The following WIPF2 variants were observed in gnomAD, a reference collection of about 807,000 sequenced individuals.
The protein encoded by WIPF2 is WAS/WASL-interacting protein family member 2.
WIPF2 carries 23 observed loss-of-function variants against 38.8 expected under a neutral mutation model. The observed-to-expected ratio is 0.59, with a 90% CI of 0.43 to 0.84. WIPF2 has a LOEUF of 0.84. WIPF2 is among the 40% of genes least tolerant of loss of function. The pLI is 0.00. For missense variants in WIPF2, 574 were observed against 580.5 expected (o/e 0.99, Z 0.11); for synonymous variants, 210 against 223.2 (o/e 0.94, Z 0.53).
At chr17:40,254,129 G>C (rs918818768) in intron 1 of WIPF2, among the ~76,000 whole-genome samples, 5 of 151,724 alleles carry the variant, frequency 3.3e-5, no homozygotes, top group African/African-American at 1.2e-4. Context: ...CAACTCGGCT[G>C]CCTGAGCCTT....
chr17:40,234,448 C>CA (rs1183203350), intron 1 of WIPF2, among the ~76,000 whole-genome samples: 113 of 149,470 alleles, frequency 7.6e-4, no homozygotes, highest in African/African-American at 2.6e-3. Context: ...AACAAACAAA[C>CA]AAACAAAAAA....
intron 5 of WIPF2, among the ~76,000 whole-genome samples, chr17:40,266,844 T>G (rs1260960875): frequency 6.6e-6 from 1 of 152,166 alleles, no homozygotes; most frequent in Non-Finnish European, 1.5e-5. Context: ...TAAAAAGGGT[T>G]GGCCTTAGAT....
At chr17:40,247,485 C>G (rs923787278) in intron 1 of WIPF2, among the ~76,000 whole-genome samples, 1 of 149,684 alleles carries the variant, frequency 6.7e-6, no homozygotes, top group Non-Finnish European at 1.5e-5. Context: ...TCCCAAAGTG[C>G]TGGGATTACG....
At chr17:40,226,116 C>A (rs2030470624) in intron 1 of WIPF2, among the ~76,000 whole-genome samples, 1 of 147,058 alleles carries the variant, frequency 6.8e-6, no homozygotes, top group South Asian at 2.1e-4. Flanking sequence ...ATCGAATAAT[C>A]TTTTTTTTTC....
At chr17:40,223,936 G>A (rs2030363738) in intron 1 of WIPF2, among the ~76,000 whole-genome samples, 1 of 151,898 alleles carries the variant, frequency 6.6e-6, no homozygotes, top group South Asian at 2.1e-4. Context: ...GATTGGGAGA[G>A]TAACCTGGTA....
intron 6 of WIPF2, among the ~76,000 whole-genome samples, chr17:40,274,751 T>A (rs1432440673): frequency 1.3e-5 from 2 of 150,946 alleles, no homozygotes; most frequent in African/African-American, 4.9e-5. Flanking sequence ...AAGACCAGCC[T>A]GGGCAACATG....
chr17:40,283,328 T>TC lies in WIPF2; in HGVS notation c.*5105dup. On this transcript the variant is annotated 3_prime_UTR_variant, in exon 8 of 8. Coordinates refer to ENST00000323571, the MANE Select transcript of WIPF2 (RefSeq NM_133264.5). ...GGTGTGATCATAGCTCACCGCAGCC[T>TC]CCAACTCTCAAGCTCAAGTGATCCT... 1 of 152,020 alleles carries TC rather than the reference T, an allele frequency of 6.6e-6. No individual in the cohort carries two copies. The highest frequency in any genetic ancestry group is 1.9e-4 in the East Asian group (1 of 5,168). The allele number at this position is 152,020 out of a possible 1,614,324, so 9.4% of individuals were successfully genotyped here. A position where few individuals can be genotyped will look rare whatever the true frequency, so the allele number is the denominator to read the frequency against.
At chr17:40,254,375 G>A (rs1598485273) in intron 1 of WIPF2, among the ~76,000 whole-genome samples, 1 of 152,176 alleles carries the variant, frequency 6.6e-6, no homozygotes, top group East Asian at 1.9e-4. Context: ...GATTGGTGAG[G>A]TTGGTTACCA....
intron 1 of WIPF2, chr17:40,220,587 A>ATATG (rs2030151815): frequency 1.5e-5 from 1 of 64,636 alleles, no homozygotes; most frequent in Non-Finnish European, 3.0e-5. Flanking sequence ...ATATATATAT[A>ATATG]TATATATATA....
In WIPF2 at chr17:40,262,653, G is replaced by A; in HGVS notation, c.313+12G>A. 1 of 1,605,050 alleles carries A rather than the reference G, an allele frequency of 6.2e-7. No individual in the cohort carries two copies. The highest frequency in any genetic ancestry group is 8.5e-7 in the Non-Finnish European group (1 of 1,172,022). ...CAAGGATGGTTCAGGTATCTGATGA[G>A]TACTTTCCCAGGGTATTTCCCTGGT... is the stretch of plus-strand genomic sequence containing the variant. On this transcript the variant is annotated intron_variant, in intron 4 of 7. Coordinates refer to ENST00000323571, the MANE Select transcript of WIPF2 (RefSeq NM_133264.5).
Position 40,279,223 on chromosome 17 carries a change from C to G in WIPF2, c.*998C>G, listed in dbSNP as rs1480673100. The G allele has an allele frequency of 2.0e-5, 3 of 152,306 alleles. No individual in the cohort carries two copies. The highest frequency in any genetic ancestry group is 4.4e-5 in the Non-Finnish European group (3 of 68,082). 9.4% of individuals were successfully genotyped at this position (152,306 alleles called of 1,614,324 possible). On this transcript the variant is annotated 3_prime_UTR_variant, in exon 8 of 8. Transcript: ENST00000323571. Reference sequence around the variant, plus strand: ...AGTGGCTCTTTCTGTCCTTCAGCCCCTGGAAGGTGCTCCAGGATAACAAAG... The same window carrying G: ...AGTGGCTCTTTCTGTCCTTCAGCCCGTGGAAGGTGCTCCAGGATAACAAAG...
intron 1 of WIPF2, among the ~76,000 whole-genome samples, chr17:40,226,686 C>G (rs1161868725): frequency 6.6e-6 from 1 of 152,062 alleles, no homozygotes; most frequent in African/African-American, 2.4e-5. Flanking sequence ...CTTTCCTTGT[C>G]TTAGAAATAA....
intron 1 of WIPF2, among the ~76,000 whole-genome samples, chr17:40,251,240 C>T (rs907834023): frequency 6.6e-6 from 1 of 152,002 alleles, no homozygotes; most frequent in African/African-American, 2.4e-5. Flanking sequence ...TTGCAATAGA[C>T]AGTGCTTCCA....
chr17:40,226,314 C>G (rs2030485486), intron 1 of WIPF2, among the ~76,000 whole-genome samples: 1 of 151,832 alleles, frequency 6.6e-6, no homozygotes, highest in Non-Finnish European at 1.5e-5. Context: ...TGCGATTATC[C>G]TGCCTCAGCC....
At chr17:40,231,572 C>T (rs1046297958) in intron 1 of WIPF2, among the ~76,000 whole-genome samples, 9 of 151,796 alleles carry the variant, frequency 5.9e-5, no homozygotes, top group African/African-American at 1.9e-4. Flanking sequence ...TACAGGTGCC[C>T]GCCACCACGC....
Position 40,266,966 on chromosome 17 carries a change from G to A in WIPF2, c.970+1820G>A, listed in dbSNP as rs187508954. ...GCATGTGGAAAGTTTATTCTAATTT[G>A]CTTCTGTTTTCTCAGTGAAATGGAA... On this transcript the variant is annotated intron_variant, in intron 5 of 7. Coordinates refer to ENST00000323571, the MANE Select transcript of WIPF2 (RefSeq NM_133264.5). Among the ~76,000 whole-genome samples the A allele has an allele frequency of 2.0e-5, 3 of 152,256 alleles. No individual in the cohort carries two copies. The East Asian group carries it at 5.8e-4, about 29-fold the overall frequency.
At chr17:40,260,801 T>C (rs756026482) in intron 3 of WIPF2, 134 bp downstream of exon 3, 139 of 1,197,168 alleles carry the variant, frequency 1.2e-4, no homozygotes, top group Non-Finnish European at 1.6e-4. Context: ...TCTCTTCTTA[T>C]TCATTCTTCT....
intron 5 of WIPF2, among the ~76,000 whole-genome samples, chr17:40,270,975 A>G (rs1463259977): frequency 1.3e-5 from 2 of 152,078 alleles, no homozygotes; most frequent in Non-Finnish European, 2.9e-5. Flanking sequence ...AGGAGGAATA[A>G]TAAGATACTC....
chr17:40,229,394 G>C (rs1479136992), intron 1 of WIPF2, among the ~76,000 whole-genome samples: 2 of 150,172 alleles, frequency 1.3e-5, no homozygotes, highest in African/African-American at 4.9e-5. Context: ...GGTGTGAGCC[G>C]CCGCACCTGG....
Sources: gnomAD v4.1 joint callset for allele counts (sites outside exome capture counted in the v4.1 genomes callset) on GRCh38, gnomAD v4.1.1 for gene constraint, MANE v1.5 for transcripts, NCBI Gene and HGNC (gene_info 2026-07-23, HGNC 2026-07-21) for gene names.